LRRC7: variants seen among roughly 807,000 people sequenced by gnomAD.
LRRC7 encodes the protein leucine-rich repeat-containing protein 7.
LRRC7 carries 23 observed loss-of-function variants against 175.7 expected under a neutral mutation model. The observed-to-expected ratio is 0.13, with a 90% CI of 0.09 to 0.19. LRRC7 has a LOEUF of 0.19. LRRC7 is among the 10% of genes least tolerant of loss of function. The pLI, the probability that LRRC7 is intolerant of heterozygous loss-of-function variation, is 1.00. For missense variants in LRRC7, 1,354 were observed against 1,904.7 expected (o/e 0.71, Z 5.38); for synonymous variants, 685 against 680.9 (o/e 1.01, Z -0.09).
At chr1:69,969,559 C>T (rs1652014159) in intron 8 of LRRC7, among the ~76,000 whole-genome samples, 1 of 152,032 alleles carries the variant, frequency 6.6e-6, no homozygotes, top group South Asian at 2.1e-4. Flanking sequence ...GATAAAAGGC[C>T]TTGTCCAACA....
At chr1:69,731,010 A>G (rs1439397139) in intron 2 of LRRC7, among the ~76,000 whole-genome samples, 1 of 152,014 alleles carries the variant, frequency 6.6e-6, no homozygotes, top group Non-Finnish European at 1.5e-5. Context: ...TTATAAAACC[A>G]TGAGATCTCG....
chr1:69,675,227 T>A (rs1659606316), intron 1 of LRRC7, among the ~76,000 whole-genome samples: 1 of 152,152 alleles, frequency 6.6e-6, no homozygotes, highest in Non-Finnish European at 1.5e-5. Context: ...AACACCATGA[T>A]TCCTGGGAGG....
intron 4 of LRRC7, among the ~76,000 whole-genome samples, chr1:69,805,322 A>C (rs1676986150): frequency 6.6e-6 from 1 of 151,770 alleles, no homozygotes; most frequent in South Asian, 2.1e-4. Flanking sequence ...TAAATGATAG[A>C]AATCTTTAAA....
At chr1:69,728,844 G>T (rs1667256831) in intron 2 of LRRC7, among the ~76,000 whole-genome samples, 1 of 152,154 alleles carries the variant, frequency 6.6e-6, no homozygotes, top group African/African-American at 2.4e-5. Flanking sequence ...CAATAGTATT[G>T]TATTAATCCA....
chr1:69,978,159 G>A (rs531158828), intron 8 of LRRC7, among the ~76,000 whole-genome samples: 75 of 152,160 alleles, frequency 4.9e-4, no homozygotes, highest in Middle Eastern at 3.2e-3. Flanking sequence ...TTAGCCAGGC[G>A]TGGTGGCCTG....
In LRRC7 at chr1:70,116,684, ACTCT is replaced by A. The variant is rs143630447; in HGVS notation, c.4621-5093_4621-5090del. 4.9e-3 allele frequency among the ~76,000 whole-genome samples: 745 copies of A among 152,202 alleles called. 4 individuals carry two copies. The highest frequency in any genetic ancestry group is 0.017 in the African/African-American group (699 of 41,512). On this transcript the variant is annotated intron_variant, in intron 26 of 26. Transcript: ENST00000651989. ...AAAGCAATGTAAATTTTTCATATGAACTCTCTAAGAACTGAACGTCTATAATTCA... is the reference window on the plus strand; with the variant it reads ...AAAGCAATGTAAATTTTTCATATGAACTAAGAACTGAACGTCTATAATTCA...
chr1:69,884,863 A>G (rs959978914), intron 7 of LRRC7, among the ~76,000 whole-genome samples: 26 of 143,244 alleles, frequency 1.8e-4, no homozygotes, highest in Non-Finnish European at 3.6e-4. Flanking sequence ...TTCTGCATCT[A>G]TTGAGATAAT....
At chr1:69,942,092 C>A (rs184287391) in intron 8 of LRRC7, among the ~76,000 whole-genome samples, 1 of 152,106 alleles carries the variant, frequency 6.6e-6, no homozygotes, top group African/African-American at 2.4e-5. Flanking sequence ...TCTGGCCCTG[C>A]ACCTTCATGT....
chr1:69,666,223 C>A (rs1295238451), intron 1 of LRRC7, among the ~76,000 whole-genome samples: 1 of 151,936 alleles, frequency 6.6e-6, no homozygotes, highest in Admixed American at 6.5e-5. Context: ...GAATTTGGTT[C>A]GCTAGTATTT....
chr1:69,582,925 A>G (rs986566475), intron 1 of LRRC7, among the ~76,000 whole-genome samples: 1 of 152,140 alleles, frequency 6.6e-6, no homozygotes, highest in African/African-American at 2.4e-5. Flanking sequence ...CAAGTAAATT[A>G]CTTTTGCCCT....
chr1:69,620,408 T>G (rs552394593), intron 1 of LRRC7, among the ~76,000 whole-genome samples: 4 of 152,260 alleles, frequency 2.6e-5, no homozygotes, highest in African/African-American at 9.6e-5. Context: ...ACCAAAAAGT[T>G]TAAGAACCAC....
At chr1:70,058,116 T>C (rs1438403471) in intron 23 of LRRC7, among the ~76,000 whole-genome samples, 2 of 151,866 alleles carry the variant, frequency 1.3e-5, no homozygotes, top group Non-Finnish European at 2.9e-5. Context: ...TTCAAGTGAT[T>C]CGCGCGCCTC....
intron 1 of LRRC7, among the ~76,000 whole-genome samples, chr1:69,650,402 TG>T (rs1364028415): frequency 6.6e-6 from 1 of 150,714 alleles, no homozygotes; most frequent in Non-Finnish European, 1.5e-5. Flanking sequence ...TAGCCGGGCG[TG>T]GTGGTGGGTG....
At chr1:69,718,576 T>A (rs74991082) in intron 2 of LRRC7, among the ~76,000 whole-genome samples, 11,559 of 151,770 alleles carry the variant, frequency 0.076, 564 homozygotes, top group African/African-American at 0.14. Flanking sequence ...TGAATAGAGA[T>A]GCTGATAGAA....
At chr1:69,779,433 G>A (rs747995298) in intron 3 of LRRC7, among the ~76,000 whole-genome samples, 2 of 152,062 alleles carry the variant, frequency 1.3e-5, no homozygotes, top group African/African-American at 4.8e-5. Context: ...ATCACATAAA[G>A]TAATCAAGGA....
intron 7 of LRRC7, among the ~76,000 whole-genome samples, chr1:69,926,720 G>T (rs28868292): frequency 2.9e-4 from 44 of 152,160 alleles, no homozygotes; most frequent in African/African-American, 6.3e-4. Context: ...TGAGATGGGT[G>T]TCCTGAATAC....
In LRRC7 at chr1:69,600,796, G is replaced by GTTCTT. The variant is rs1557463083; in HGVS notation, c.2+32157_2+32158insCTTTT. Among the ~76,000 whole-genome samples, 11 of 26,362 alleles carry GTTCTT rather than the reference G, an allele frequency of 4.2e-4. 1 individual carries two copies. The highest frequency in any genetic ancestry group is 5.1e-4 in the Non-Finnish European group (8 of 15,784). The allele number at this position is 26,362 out of a possible 152,430, so 17.3% of individuals were successfully genotyped here. ...TTAGCCATTTCTCCAAGGATCTCTG[G>GTTCTT]TTTCTTTTTTTTTTTTTTTTTTTTT... On this transcript the variant is annotated intron_variant, in intron 1 of 26. Transcript: ENST00000651989.
At chr1:69,929,797 A>C (rs1248617092) in intron 7 of LRRC7, among the ~76,000 whole-genome samples, 1 of 152,138 alleles carries the variant, frequency 6.6e-6, no homozygotes, top group Non-Finnish European at 1.5e-5. Context: ...GTGGCCCCCT[A>C]TCCTACTCAG....
At chr1:69,682,009 A>G (rs868424959) in intron 2 of LRRC7, among the ~76,000 whole-genome samples, 12 of 152,132 alleles carry the variant, frequency 7.9e-5, no homozygotes, top group Non-Finnish European at 1.6e-4. Context: ...CAAAAGTTCA[A>G]CTGGGGAAAT....
Sources: allele counts gnomAD v4.1 joint callset (sites outside exome capture counted in the v4.1 genomes callset), GRCh38; gene constraint gnomAD v4.1.1; transcripts MANE v1.5; gene names NCBI Gene and HGNC (gene_info 2026-07-23, HGNC 2026-07-21).